DAB1: variants seen among roughly 807,000 people sequenced by gnomAD.
DAB1 encodes DAB adaptor protein 1.
A neutral mutation model predicts 64.6 loss-of-function variants in DAB1; 15 were observed. The ratio of observed to expected loss-of-function variants is 0.23; its 90% CI spans 0.16 to 0.36. The LOEUF is 0.36. Among genes scored for constraint, DAB1 ranks in the 10% least tolerant of loss-of-function variants. The pLI is 1.00. For synonymous variants in DAB1, 235 were observed against 251.9 expected (o/e 0.93, Z 0.64); for missense variants, 596 against 706.7 (o/e 0.84, Z 1.78).
intron 4 of DAB1, among the ~76,000 whole-genome samples, chr1:58,205,456 C>T (rs1370995154): frequency 6.6e-6 from 1 of 152,242 alleles, no homozygotes; most frequent in African/African-American, 2.4e-5. Context: ...GTCCCTGAAA[C>T]TGCAGCTTGC....
intron 5 of DAB1, among the ~76,000 whole-genome samples, chr1:58,143,969 T>C (rs927530320): frequency 3.3e-5 from 5 of 152,228 alleles, no homozygotes; most frequent in Non-Finnish European, 5.9e-5. Context: ...GCCTTTTTCC[T>C]CCATTTAATT....
chr1:57,645,245 A>G (rs984117744), intron 7 of DAB1, among the ~76,000 whole-genome samples: 3 of 152,214 alleles, frequency 2.0e-5, no homozygotes, highest in Non-Finnish European at 4.4e-5. Flanking sequence ...TTGGTATATT[A>G]CAAAGCTACC....
chr1:57,368,138 C>A (rs374964805), intron 1 of DAB1, among the ~76,000 whole-genome samples: 1 of 152,216 alleles, frequency 6.6e-6, no homozygotes, highest in South Asian at 2.1e-4. Context: ...ACATGTCAGG[C>A]CCCTGACACC....
At chr1:57,660,623 T>C (rs1256877743) in intron 6 of DAB1, among the ~76,000 whole-genome samples, 1 of 152,256 alleles carries the variant, frequency 6.6e-6, no homozygotes, top group Non-Finnish European at 1.5e-5. Context: ...CTCACTCTGC[T>C]GAGGCTGGGA....
At chr1:57,015,453 G>A in intron 11 of DAB1, 22 bp from the exon 12 acceptor site, 2 of 1,582,502 alleles carry the variant, frequency 1.3e-6, no homozygotes, top group South Asian at 1.2e-5. Flanking sequence ...AAAAAGGAGA[G>A]TCAGGTGTTT....
chr1:58,455,818 C>A (rs1645188195), intron 3 of DAB1, among the ~76,000 whole-genome samples: 1 of 152,218 alleles, frequency 6.6e-6, no homozygotes, highest in Non-Finnish European at 1.5e-5. Context: ...TGAGTGGTGT[C>A]TCCTTCTTTC....
intron 7 of DAB1, among the ~76,000 whole-genome samples, chr1:57,461,315 T>C (rs1028346186): frequency 6.6e-6 from 1 of 152,204 alleles, no homozygotes; most frequent in Non-Finnish European, 1.5e-5. Flanking sequence ...ATACATTTGG[T>C]GATGCTCCGT....
intron 6 of DAB1, among the ~76,000 whole-genome samples, chr1:57,728,981 C>T (rs758246902): frequency 2.6e-5 from 4 of 152,222 alleles, no homozygotes; most frequent in South Asian, 2.1e-4. Context: ...ATGCTTATGT[C>T]GACTTTGTAG....
At chr1:58,329,597 A>G (rs566322010) in intron 4 of DAB1, among the ~76,000 whole-genome samples, 1 of 152,330 alleles carries the variant, frequency 6.6e-6, no homozygotes, top group Non-Finnish European at 1.5e-5. Flanking sequence ...TTACAAATTG[A>G]AAGTCTGTGA....
At chr1:58,110,254 CAAAT>C (rs1651897518) in intron 5 of DAB1, among the ~76,000 whole-genome samples, 3 of 152,168 alleles carry the variant, frequency 2.0e-5, no homozygotes, top group African/African-American at 7.2e-5. Context: ...TTTCAAAAAA[CAAAT>C]AAGCAAAACA....
At chr1:57,555,060 G>T (rs1644971517) in intron 7 of DAB1, among the ~76,000 whole-genome samples, 1 of 112,994 alleles carries the variant, frequency 8.9e-6, no homozygotes, top group Non-Finnish European at 1.7e-5. Flanking sequence ...TTTTGAGACG[G>T]AGTCTCACTC....
intron 6 of DAB1, among the ~76,000 whole-genome samples, chr1:57,658,525 G>A (rs1410756169): frequency 2.0e-5 from 3 of 151,258 alleles, no homozygotes; most frequent in African/African-American, 4.9e-5. Flanking sequence ...GGATGGTCTC[G>A]ATCTCCTGAC....
intron 1 of DAB1, among the ~76,000 whole-genome samples, chr1:57,319,270 G>A (rs1043898565): frequency 2.0e-5 from 3 of 152,150 alleles, no homozygotes; most frequent in African/African-American, 7.2e-5. Flanking sequence ...AGAGCTCATG[G>A]TCCAGCTCCC....
intron 1 of DAB1, among the ~76,000 whole-genome samples, chr1:57,358,465 T>C (rs1418178098): frequency 1.3e-5 from 2 of 151,900 alleles, no homozygotes; most frequent in African/African-American, 2.4e-5. Flanking sequence ...TTTTGTGTGA[T>C]GAAAAGAATA....
rs547940708 is a variant in DAB1, at chr1:57,581,774, T to A, written n.625+67818A>T. 6.7e-4 allele frequency among the ~76,000 whole-genome samples: 101 copies of A among 151,158 alleles called. 1 individual carries two copies. Among genetic ancestry groups the A allele is most frequent in the Non-Finnish European group, 4.4e-5 (3 of 67,832 alleles). ...TTAATTATTATGTATTTTCAGGTTA[T>A]TTTATTTGAAAATAGAACACATGGC... On this transcript the variant is annotated intron_variant and non_coding_transcript_variant, in intron 7 of 20. Transcript: ENST00000485760.
intron 3 of DAB1, among the ~76,000 whole-genome samples, chr1:58,452,223 T>C (rs1436996637): frequency 6.6e-6 from 1 of 151,900 alleles, no homozygotes; most frequent in East Asian, 1.9e-4. Context: ...CGTGAGCCAC[T>C]GCACCTGGCC....
chr1:57,661,067 T>C (rs1407677583), intron 6 of DAB1, among the ~76,000 whole-genome samples: 1 of 152,158 alleles, frequency 6.6e-6, no homozygotes, highest in African/African-American at 2.4e-5. Context: ...TTGTAGAGAC[T>C]AAGAAACTTG....
At chr1:57,580,627 G>T (rs1645301292) in intron 7 of DAB1, among the ~76,000 whole-genome samples, 1 of 152,028 alleles carries the variant, frequency 6.6e-6, no homozygotes, top group South Asian at 2.1e-4. Flanking sequence ...GTCTGAGCAG[G>T]GAAGGGTAAA....
chr1:57,088,972 A>G (rs2100652236), intron 4 of DAB1, among the ~76,000 whole-genome samples: 1 of 152,318 alleles, frequency 6.6e-6, no homozygotes, highest in East Asian at 1.9e-4. Flanking sequence ...ACAATGGTTA[A>G]GGGCACAGAC....
Sources: gnomAD v4.1 joint callset for allele counts (sites outside exome capture counted in the v4.1 genomes callset) on GRCh38, gnomAD v4.1.1 for gene constraint, MANE v1.5 for transcripts, NCBI Gene and HGNC (gene_info 2026-07-23, HGNC 2026-07-21) for gene names.